IQCM: variants seen among roughly 807,000 people sequenced by gnomAD.
The protein encoded by IQCM is IQ motif containing M, also known as IQ domain-containing protein M.
IQCM carries 45 observed loss-of-function variants against 57.6 expected under a neutral mutation model. The observed-to-expected ratio is 0.78, with a 90% CI of 0.62 to 1.00. IQCM has a LOEUF of 1.00. Ranked by LOEUF, IQCM falls within the 50% of genes least tolerant of loss-of-function variation. IQCM has a pLI of 0.00. For synonymous variants in IQCM, 148 were observed against 158.9 expected, an observed-to-expected ratio of 0.93 and a Z score of 0.51; for missense variants, 468 against 511.6, an observed-to-expected ratio of 0.91 and a Z score of 0.82.
intron 8 of IQCM, among the ~76,000 whole-genome samples, chr4:149,610,322 G>A (rs1400785009): frequency 6.6e-6 from 1 of 151,762 alleles, no homozygotes; most frequent in Non-Finnish European, 1.5e-5. Context: ...TACAAATTCA[G>A]TGTAAAACAT....
chr4:149,680,143 T>C (rs1225727855), intron 7 of IQCM, among the ~76,000 whole-genome samples: 1 of 151,378 alleles, frequency 6.6e-6, no homozygotes, highest in African/African-American at 2.4e-5. Flanking sequence ...CCTATTCTTA[T>C]CTGATTAAAG....
chr4:149,626,862 A>C (rs1402185268), intron 7 of IQCM, among the ~76,000 whole-genome samples: 1 of 152,204 alleles, frequency 6.6e-6, no homozygotes, highest in Admixed American at 6.5e-5. Flanking sequence ...TGACTTTTAC[A>C]TAATAATATA....
intron 12 of IQCM, among the ~76,000 whole-genome samples, chr4:149,533,445 G>T (rs1746951925): frequency 6.6e-6 from 1 of 151,980 alleles, no homozygotes; most frequent in African/African-American, 2.4e-5. Context: ...ATTTTTAAAA[G>T]GCCTTTAAAA....
rs77038038 is a variant in IQCM at position 149,804,230 on chromosome 4, G to T, written c.-49+11081C>A. On this transcript the variant is annotated intron_variant, in intron 2 of 13. Transcript: ENST00000636793. ...AGTTACTTTCTCCCTCACCCTGACA[G>T]AAGCACAAGAGGATTTTTCTTTAAT... Among the ~76,000 whole-genome samples the T allele has an allele frequency of 9.7e-3, 1,476 of 152,150 alleles. 33 individuals are homozygous for T. Among genetic ancestry groups the T allele is most frequent in the African/African-American group, 0.033 (1,379 of 41,546 alleles).
chr4:149,668,409 C>T (rs1403097575), intron 7 of IQCM, among the ~76,000 whole-genome samples: 2 of 152,140 alleles, frequency 1.3e-5, no homozygotes, highest in Admixed American at 1.3e-4. Context: ...GCCTGCCTTA[C>T]AAGAGCTCCT....
At chr4:149,443,854 T>G (rs572217648) in intron 12 of IQCM, among the ~76,000 whole-genome samples, 27 of 152,080 alleles carry the variant, frequency 1.8e-4, no homozygotes, top group Middle Eastern at 3.4e-3. Flanking sequence ...CTTGAAAATA[T>G]TTTTAACTAT....
chr4:149,692,672 A>G (rs1293145346), intron 5 of IQCM, among the ~76,000 whole-genome samples: 2 of 152,190 alleles, frequency 1.3e-5, no homozygotes, highest in Admixed American at 1.3e-4. Context: ...AAAGGCAATT[A>G]AAACATATGA....
chr4:149,636,851 G>A, intron 7 of IQCM, among the ~76,000 whole-genome samples: 1 of 152,172 alleles, frequency 6.6e-6, no homozygotes, highest in Admixed American at 6.5e-5. Context: ...GAACTAGAAA[G>A]TGAATTTAGC....
At chr4:149,565,407 G>A (rs1461990402) in intron 9 of IQCM, among the ~76,000 whole-genome samples, 1 of 152,130 alleles carries the variant, frequency 6.6e-6, no homozygotes, top group East Asian at 1.9e-4. Flanking sequence ...CAAAGTCTCT[G>A]TTAGGTGGTA....
At chr4:149,409,315 C>G (rs138490504) in intron 13 of IQCM, among the ~76,000 whole-genome samples, 8 of 152,346 alleles carry the variant, frequency 5.3e-5, no homozygotes, top group African/African-American at 1.4e-4. Flanking sequence ...GTGGCCCATG[C>G]CAGTCATCCT....
chr4:149,560,515 A>G lies in IQCM; in HGVS notation c.948+3177T>C, dbSNP rs187595676. ...CTAGAAGCATTACATCGAGGGACAT[A>G]CCCTGTTTTGTGTCTTTATAATTTT... On this transcript the variant is annotated intron_variant, in intron 10 of 13. Transcript: ENST00000636793. 1.6e-3 allele frequency among the ~76,000 whole-genome samples: 237 copies of G among 152,292 alleles called. 1 individual carries two copies. Among genetic ancestry groups the G allele is most frequent in the African/African-American group, 5.5e-3 (230 of 41,580 alleles).
chr4:149,400,984 G>A (rs1161375523), intron 13 of IQCM, among the ~76,000 whole-genome samples: 1 of 151,726 alleles, frequency 6.6e-6, no homozygotes, highest in African/African-American at 2.4e-5. Context: ...ATTAAAAGGG[G>A]TGACTTGCTT....
intron 11 of IQCM, among the ~76,000 whole-genome samples, chr4:149,549,118 T>A (rs1288133935): frequency 6.6e-6 from 1 of 152,322 alleles, no homozygotes. Flanking sequence ...ATATTTAAGA[T>A]ACTTTGTCAC....
intron 13 of IQCM, among the ~76,000 whole-genome samples, chr4:149,393,186 C>A (rs551101661): frequency 5.3e-5 from 8 of 151,678 alleles, no homozygotes; most frequent in Non-Finnish European, 7.4e-5. Flanking sequence ...AAAATATATA[C>A]GCATATATAA....
intron 7 of IQCM, among the ~76,000 whole-genome samples, chr4:149,635,043 T>C (rs1757605477): frequency 6.6e-6 from 1 of 152,250 alleles, no homozygotes; most frequent in African/African-American, 2.4e-5. Flanking sequence ...AATGGTTTTT[T>C]ACTTTATTCC....
chr4:149,586,466 G>A (rs1267076268), intron 9 of IQCM, among the ~76,000 whole-genome samples: 1 of 151,372 alleles, frequency 6.6e-6, no homozygotes. Context: ...TTTCATTCCT[G>A]ATATTGGTAA....
At chr4:149,413,816 C>T (rs13435250) in intron 13 of IQCM, among the ~76,000 whole-genome samples, 1 of 152,134 alleles carries the variant, frequency 6.6e-6, no homozygotes, top group Admixed American at 6.5e-5. Context: ...ATTCTCCTTA[C>T]AGAAACTAAA....
chr4:149,777,511 C>T (rs921710856), intron 2 of IQCM, among the ~76,000 whole-genome samples: 1 of 152,160 alleles, frequency 6.6e-6, no homozygotes, highest in African/African-American at 2.4e-5. Flanking sequence ...ATATGTCACC[C>T]TTTGAAAAAC....
chr4:149,597,076 T>C (rs1409758633), intron 8 of IQCM, among the ~76,000 whole-genome samples: 4 of 151,836 alleles, frequency 2.6e-5, no homozygotes, highest in Non-Finnish European at 4.4e-5. Context: ...TAGAGAAATA[T>C]ATTGAAGAAA....
Sources: allele counts gnomAD v4.1 joint callset (sites outside exome capture counted in the v4.1 genomes callset), GRCh38; gene constraint gnomAD v4.1.1; transcripts MANE v1.5; gene names NCBI Gene and HGNC (gene_info 2026-07-23, HGNC 2026-07-21).